Variants in RBFOX1 observed in about 807,000 individuals in gnomAD.
RBFOX1 encodes RNA binding protein fox-1 homolog 1.
RBFOX1 carries 8 observed loss-of-function variants against 57.7 expected under a neutral mutation model. The observed-to-expected ratio is 0.14, with a 90% CI of 0.08 to 0.25. The LOEUF is 0.25. RBFOX1 is among the 10% of genes least tolerant of loss of function. The pLI is 1.00. For missense variants in RBFOX1, 611 were observed against 548.5 expected (o/e 1.11, Z -1.14); for synonymous variants, 326 against 222.4 (o/e 1.47, Z -4.15).
At chr16:7,189,002 T>G (rs528524811) in intron 4 of RBFOX1, among the ~76,000 whole-genome samples, 1 of 152,256 alleles carries the variant, frequency 6.6e-6, no homozygotes, top group Admixed American at 6.5e-5. Flanking sequence ...AACATCAGGC[T>G]AGAGGCAAGT....
chr16:7,522,943 C>G lies in RBFOX1; in HGVS notation c.270+4554C>G, dbSNP rs1015886235. Among the ~76,000 whole-genome samples, 19 of 152,160 alleles carry G rather than the reference C, an allele frequency of 1.2e-4. No homozygotes were observed. In the East Asian group the frequency reaches 2.5e-3, roughly 20 times the overall value. On this transcript the variant is annotated intron_variant, in intron 5 of 15. Coordinates refer to ENST00000550418, the MANE Select transcript of RBFOX1 (RefSeq NM_018723.4). ...CATTACTGCTATCCAGATAATGAAT[C>G]TGTCCATTATCTCAAAGTCTTTTCT...
chr16:7,698,600 C>G (rs1016600400), intron 14 of RBFOX1, among the ~76,000 whole-genome samples: 2 of 152,124 alleles, frequency 1.3e-5, no homozygotes, highest in Non-Finnish European at 2.9e-5. Flanking sequence ...TCCCAATTGG[C>G]CATTCCTCTA....
At chr16:5,867,347 G>A in intron 4 of RBFOX1, 1 of 1,194,368 alleles carries the variant, frequency 8.4e-7, no homozygotes, top group Non-Finnish European at 1.0e-6. Flanking sequence ...TAGGAAACGT[G>A]GTTTTTCTGT....
chr16:7,244,241 G>A (rs2094193735), intron 4 of RBFOX1, among the ~76,000 whole-genome samples: 1 of 83,066 alleles, frequency 1.2e-5, no homozygotes, highest in South Asian at 4.2e-4. Flanking sequence ...AAATGCCAAA[G>A]TATTCCAAAA....
intron 2 of RBFOX1, among the ~76,000 whole-genome samples, chr16:5,498,965 A>T (rs538688286): frequency 1.3e-5 from 2 of 152,272 alleles, no homozygotes; most frequent in South Asian, 4.2e-4. Flanking sequence ...GCTCCTGGGC[A>T]GGTTGGTTAG....
chr16:7,218,723 T>C (rs75290374), intron 4 of RBFOX1, among the ~76,000 whole-genome samples: 13,596 of 128,172 alleles, frequency 0.11, 753 homozygotes, highest in East Asian at 0.16. Context: ...GTAAGTCATC[T>C]TAAAGTGTTT....
intron 4 of RBFOX1, among the ~76,000 whole-genome samples, chr16:7,462,113 G>A (rs945326209): frequency 2.6e-5 from 4 of 152,164 alleles, no homozygotes; most frequent in African/African-American, 7.2e-5. Flanking sequence ...TGACATACCA[G>A]GGAAGCTACT....
At chr16:7,390,980 C>T (rs1268239094) in intron 4 of RBFOX1, among the ~76,000 whole-genome samples, 1 of 152,022 alleles carries the variant, frequency 6.6e-6, no homozygotes, top group Non-Finnish European at 1.5e-5. Context: ...CAGGGAGTTT[C>T]CTGGAGGGTG....
intron 2 of RBFOX1, among the ~76,000 whole-genome samples, chr16:6,378,463 C>T (rs985908251): frequency 1.3e-5 from 2 of 152,166 alleles, no homozygotes; most frequent in Non-Finnish European, 2.9e-5. Context: ...CAATTGTAGC[C>T]CGTCACTTTG....
intron 4 of RBFOX1, among the ~76,000 whole-genome samples, chr16:5,950,081 A>T (rs1010384710): frequency 6.6e-6 from 1 of 152,238 alleles, no homozygotes; most frequent in Admixed American, 6.5e-5. Flanking sequence ...TCACTTATTT[A>T]AGGCAGTGTC....
chr16:5,894,977 C>G (rs564271223), intron 4 of RBFOX1, among the ~76,000 whole-genome samples: 2 of 151,966 alleles, frequency 1.3e-5, no homozygotes, highest in African/African-American at 4.8e-5. Context: ...AGGCAGAGAT[C>G]GTGCCACTGC....
chr16:7,700,391 G>GAGATAGCTTAGCAAGAAGT, intron 14 of RBFOX1, among the ~76,000 whole-genome samples: 2 of 152,242 alleles, frequency 1.3e-5, no homozygotes, highest in South Asian at 4.1e-4. Context: ...GAAGAACTTT[G>GAGATAGCTTAGCAAGAAGT]AGATAGCTTA....
Position 5,744,400 on chromosome 16 carries a change from T to A in RBFOX1, c.319-122903T>A, listed in dbSNP as rs141057017. Reference sequence around the variant, plus strand: ...CCCTTGAAATCAGGGACAAAGTAACTTTAGATTCTTCTTAGGCAGAATCCT... The same window carrying A: ...CCCTTGAAATCAGGGACAAAGTAACATTAGATTCTTCTTAGGCAGAATCCT... On this transcript the variant is annotated intron_variant, in intron 3 of 19. Transcript: ENST00000641259. 4.6e-5 allele frequency among the ~76,000 whole-genome samples: 7 copies of A among 152,318 alleles called. No individual in the cohort carries two copies. In the East Asian group the frequency reaches 1.4e-3, roughly 29 times the overall value.
chr16:7,546,589 T>C (rs2084620421), intron 5 of RBFOX1, among the ~76,000 whole-genome samples: 1 of 152,140 alleles, frequency 6.6e-6, no homozygotes, highest in Non-Finnish European at 1.5e-5. Flanking sequence ...GACAAAAAAT[T>C]AGAAAATAGA....
intron 3 of RBFOX1, among the ~76,000 whole-genome samples, chr16:6,972,115 A>G (rs757404855): frequency 3.9e-5 from 6 of 152,176 alleles, no homozygotes; most frequent in Non-Finnish European, 7.3e-5. Context: ...AGCACACAAC[A>G]TCTAACCATC....
chr16:6,275,168 G>A (rs1381104731), intron 1 of RBFOX1, among the ~76,000 whole-genome samples: 1 of 152,026 alleles, frequency 6.6e-6, no homozygotes, highest in Non-Finnish European at 1.5e-5. Context: ...GTATATAGCT[G>A]AGCATGGTGG....
At chr16:7,221,509 G>A (rs955232792) in intron 4 of RBFOX1, among the ~76,000 whole-genome samples, 2 of 151,978 alleles carry the variant, frequency 1.3e-5, no homozygotes, top group Non-Finnish European at 2.9e-5. Context: ...TGGGATTACA[G>A]GTGCGTGCCA....
chr16:6,950,840 C>CT (rs1459636840), intron 3 of RBFOX1, among the ~76,000 whole-genome samples: 6 of 152,056 alleles, frequency 3.9e-5, no homozygotes, highest in South Asian at 2.1e-4. Flanking sequence ...TCAGCTCTTT[C>CT]TTTTTTCTTT....
At chr16:6,803,816 C>T (rs1222511316) in intron 3 of RBFOX1, among the ~76,000 whole-genome samples, 4 of 152,138 alleles carry the variant, frequency 2.6e-5, no homozygotes, top group Non-Finnish European at 2.9e-5. Context: ...GGGAGATTCA[C>T]AGGCTACATT....
Sources: allele counts gnomAD v4.1 joint callset (sites outside exome capture counted in the v4.1 genomes callset), GRCh38; gene constraint gnomAD v4.1.1; transcripts MANE v1.5; gene names NCBI Gene and HGNC (gene_info 2026-07-23, HGNC 2026-07-21).